The following NAALADL2 variants were observed in gnomAD, a reference collection of about 807,000 sequenced individuals.
The protein encoded by NAALADL2 is N-acetylated alpha-linked acidic dipeptidase like 2.
Under a neutral mutation model 87.2 loss-of-function variants are expected in NAALADL2, and 76 were observed. That is an observed-to-expected ratio of 0.87 (90% confidence interval 0.72 to 1.05). The LOEUF is 1.05. Ranked by LOEUF, NAALADL2 falls within the 50% of genes least tolerant of loss-of-function variation. NAALADL2 has a pLI of 0.00. For missense variants in NAALADL2, 1,089 were observed against 945.8 expected, an observed-to-expected ratio of 1.15 and a Z score of -1.99; for synonymous variants, 354 against 331.0, an observed-to-expected ratio of 1.07 and a Z score of -0.75.
intron 5 of NAALADL2, among the ~76,000 whole-genome samples, chr3:175,427,076 T>C (rs1053435041): frequency 7.9e-5 from 12 of 152,348 alleles, no homozygotes; most frequent in African/African-American, 2.2e-4. Flanking sequence ...TCACTTCTGG[T>C]AGCCTAAGGC....
intron 9 of NAALADL2, among the ~76,000 whole-genome samples, chr3:175,528,130 G>C (rs1582263248): frequency 6.6e-6 from 1 of 152,180 alleles, no homozygotes; most frequent in Non-Finnish European, 1.5e-5. Context: ...TGGTGTATTA[G>C]TCAGGGTTCT....
chr3:175,060,542 A>T (rs1215756428), intron 1 of NAALADL2, among the ~76,000 whole-genome samples: 1 of 152,222 alleles, frequency 6.6e-6, no homozygotes, highest in African/African-American at 2.4e-5. Flanking sequence ...CAATTGTATG[A>T]ATAGTATGTT....
At chr3:175,275,742 A>G (rs1056136304) in intron 4 of NAALADL2, among the ~76,000 whole-genome samples, 1 of 152,022 alleles carries the variant, frequency 6.6e-6, no homozygotes. Flanking sequence ...TTCTAACCCT[A>G]AAATGCAAAG....
chr3:175,076,807 T>G (rs1716684055), intron 1 of NAALADL2, among the ~76,000 whole-genome samples: 1 of 152,220 alleles, frequency 6.6e-6, no homozygotes, highest in Non-Finnish European at 1.5e-5. Flanking sequence ...CTATAAAGCA[T>G]ACACTCTCAA....
intron 11 of NAALADL2, among the ~76,000 whole-genome samples, chr3:175,642,499 C>CTTTTTTT (rs1206070195): frequency 3.5e-5 from 5 of 141,404 alleles, no homozygotes; most frequent in Non-Finnish European, 3.1e-5. Flanking sequence ...TCACCCAAAT[C>CTTTTTTT]TTTTTTTTTT....
intron 1 of NAALADL2, among the ~76,000 whole-genome samples, chr3:175,034,617 A>G (rs1753194180): frequency 6.6e-6 from 1 of 151,996 alleles, no homozygotes; most frequent in Non-Finnish European, 1.5e-5. Context: ...ATGGCATGTT[A>G]TTTATTATTG....
intron 3 of NAALADL2, chr3:175,234,972 A>C (rs930699674): frequency 6.6e-6 from 1 of 152,132 alleles, no homozygotes; most frequent in Non-Finnish European, 1.5e-5. Context: ...TACAAGTTAG[A>C]TATAACAACG....
intron 5 of NAALADL2, among the ~76,000 whole-genome samples, chr3:175,417,727 A>G (rs183719698): frequency 1.1e-3 from 173 of 152,300 alleles, no homozygotes; most frequent in African/African-American, 3.9e-3. Context: ...GAGCTGTCTG[A>G]CATTAAAAAA....
chr3:175,605,377 A>G (rs1394504500), intron 10 of NAALADL2, among the ~76,000 whole-genome samples: 1 of 66,244 alleles, frequency 1.5e-5, no homozygotes. Context: ...TTTTATTCCC[A>G]TTAAAAAAAA....
chr3:175,412,177 G>T (rs182814808), intron 5 of NAALADL2, among the ~76,000 whole-genome samples: 358 of 152,282 alleles, frequency 2.4e-3, no homozygotes, highest in Middle Eastern at 6.8e-3. Context: ...GTCTCAACAA[G>T]TGTGGGAACA....
chr3:175,753,359 T>C, intron 12 of NAALADL2, among the ~76,000 whole-genome samples: 1 of 152,156 alleles, frequency 6.6e-6, no homozygotes, highest in Admixed American at 6.6e-5. Context: ...AAACTACTTA[T>C]CTCTTTACAT....
At chr3:174,846,285 T>C (rs774270205) in intron 3 of NAALADL2, among the ~76,000 whole-genome samples, 2 of 152,222 alleles carry the variant, frequency 1.3e-5, no homozygotes, top group Non-Finnish European at 2.9e-5. Context: ...AGAGGTATTT[T>C]GTCATTTCCG....
chr3:175,724,574 A>G (rs76262937), intron 11 of NAALADL2, among the ~76,000 whole-genome samples: 2,096 of 152,264 alleles, frequency 0.014, 23 homozygotes, highest in Non-Finnish European at 0.023. Context: ...TTTAGAGCCA[A>G]GAAAGAAACT....
chr3:175,220,553 TTTC>T (rs1327508663), intron 2 of NAALADL2, among the ~76,000 whole-genome samples: 2 of 152,034 alleles, frequency 1.3e-5, no homozygotes, highest in African/African-American at 4.8e-5. Context: ...TGCCTTGCTT[TTTC>T]TTCTTAAGAT....
intron 13 of NAALADL2, among the ~76,000 whole-genome samples, chr3:175,756,360 A>G (rs1747261610): frequency 6.6e-6 from 1 of 152,156 alleles, no homozygotes; most frequent in African/African-American, 2.4e-5. Context: ...TATATCAAAA[A>G]GATACTTGCA....
chr3:174,503,143 A>G (rs756164281), intron 1 of NAALADL2, among the ~76,000 whole-genome samples: 3 of 152,174 alleles, frequency 2.0e-5, no homozygotes, highest in Non-Finnish European at 4.4e-5. Flanking sequence ...CTATTTGGCT[A>G]TGCTTAGATT....
chr3:175,684,812 T>A (rs1736048520), intron 11 of NAALADL2, among the ~76,000 whole-genome samples: 1 of 151,902 alleles, frequency 6.6e-6, no homozygotes, highest in Non-Finnish European at 1.5e-5. Context: ...CAAAAAAAAA[T>A]TATGTTTAAA....
chr3:174,917,574 CT>C (rs1734581462), intron 1 of NAALADL2, among the ~76,000 whole-genome samples: 1 of 152,028 alleles, frequency 6.6e-6, no homozygotes, highest in African/African-American at 2.4e-5. Context: ...ACAAAAGAAC[CT>C]TGGTTAGAGA....
intron 12 of NAALADL2, among the ~76,000 whole-genome samples, chr3:175,744,587 C>G (rs1026296105): frequency 5.3e-5 from 8 of 152,290 alleles, no homozygotes; most frequent in Non-Finnish European, 1.2e-4. Flanking sequence ...ATTAATAAAA[C>G]CTGACACCTT....
Sources: allele counts gnomAD v4.1 joint callset (sites outside exome capture counted in the v4.1 genomes callset), GRCh38; gene constraint gnomAD v4.1.1; transcripts MANE v1.5; gene names NCBI Gene and HGNC (gene_info 2026-07-23, HGNC 2026-07-21).